Variants in ZC3H6 observed in about 807,000 individuals in gnomAD.
ZC3H6 encodes zinc finger CCCH domain-containing protein 6.
In ZC3H6, 40 loss-of-function variants were observed where a neutral mutation model predicts 107.7. The ratio of observed to expected loss-of-function variants is 0.37; its 90% CI spans 0.29 to 0.48. ZC3H6 has a LOEUF of 0.48. Among genes scored for constraint, ZC3H6 ranks in the 20% least tolerant of loss-of-function variants. The pLI, the probability that ZC3H6 is intolerant of heterozygous loss-of-function variation, is 0.98. For missense variants in ZC3H6, 1,267 were observed against 1,410.4 expected (o/e 0.90, Z 1.63); for synonymous variants, 493 against 487.9 (o/e 1.01, Z -0.14).
At chr2:112,288,390 C>G (rs762509807) in intron 1 of ZC3H6, among the ~76,000 whole-genome samples, 8 of 152,166 alleles carry the variant, frequency 5.3e-5, no homozygotes, top group Admixed American at 1.3e-4. Context: ...AGTTAAGTCA[C>G]GAAGGGAAAG....
chr2:112,308,122 A>G (rs1393368123), intron 3 of ZC3H6, among the ~76,000 whole-genome samples: 1 of 152,142 alleles, frequency 6.6e-6, no homozygotes, highest in African/African-American at 2.4e-5. Context: ...AGTGGCTTTA[A>G]AAAATGTCAG....
chr2:112,319,645 CAA>C (rs1187937504), intron 7 of ZC3H6, among the ~76,000 whole-genome samples: 1 of 133,742 alleles, frequency 7.5e-6, no homozygotes. Flanking sequence ...GACTCTGTCT[CAA>C]AAAAAAAAAG....
chr2:112,320,368 C>T (rs1175534695), intron 7 of ZC3H6, among the ~76,000 whole-genome samples: 1 of 152,108 alleles, frequency 6.6e-6, no homozygotes, highest in Non-Finnish European at 1.5e-5. Flanking sequence ...AGATGATTAA[C>T]TCATTGTCTT....
intron 6 of ZC3H6, 23 bp from the exon 7 acceptor site, chr2:112,317,194 TTTTC>T: frequency 1.6e-6 from 2 of 1,288,338 alleles, no homozygotes; most frequent in Non-Finnish European, 1.0e-6. Context: ...TTTTTTTCTT[TTTTC>T]TTTTTTTTTT....
At chr2:112,290,934 C>G (rs1043195076) in intron 1 of ZC3H6, among the ~76,000 whole-genome samples, 1 of 143,716 alleles carries the variant, frequency 7.0e-6, no homozygotes, top group Non-Finnish European at 1.5e-5. Flanking sequence ...CAAGTACTAT[C>G]CATTATATCA....
At chr2:112,293,853 C>G (rs1290034602) in intron 1 of ZC3H6, among the ~76,000 whole-genome samples, 2 of 152,212 alleles carry the variant, frequency 1.3e-5, no homozygotes, top group African/African-American at 4.8e-5. Context: ...ATAGTGTCAG[C>G]TCCTCATGTC....
intron 7 of ZC3H6, among the ~76,000 whole-genome samples, chr2:112,318,242 T>C (rs1261450993): frequency 6.6e-6 from 1 of 152,144 alleles, no homozygotes; most frequent in Non-Finnish European, 1.5e-5. Context: ...CATGATGAAT[T>C]GGAACAGAAA....
intron 11 of ZC3H6, among the ~76,000 whole-genome samples, chr2:112,329,420 T>C (rs1255234913): frequency 1.3e-5 from 2 of 152,186 alleles, no homozygotes; most frequent in East Asian, 3.8e-4. Context: ...TTTAAAGTAA[T>C]TGCAGCAGGT....
intron 11 of ZC3H6, among the ~76,000 whole-genome samples, chr2:112,328,955 A>G (rs1676967768): frequency 6.8e-6 from 1 of 147,422 alleles, no homozygotes; most frequent in South Asian, 2.2e-4. Flanking sequence ...AAAAAAAAAA[A>G]GTAATCTTTC....
intron 1 of ZC3H6, among the ~76,000 whole-genome samples, chr2:112,296,455 A>G (rs1028045375): frequency 2.6e-5 from 4 of 152,222 alleles, no homozygotes; most frequent in Middle Eastern, 3.4e-3. Flanking sequence ...GTTATTTATA[A>G]TTTTTTACTA....
At chr2:112,282,619 A>G (rs759398639) in intron 1 of ZC3H6, among the ~76,000 whole-genome samples, 2 of 152,120 alleles carry the variant, frequency 1.3e-5, no homozygotes, top group Non-Finnish European at 2.9e-5. Context: ...TCCAGAGCCC[A>G]CTCTCTTATC....
At chr2:112,280,616 A>AT (rs1381844600) in intron 1 of ZC3H6, among the ~76,000 whole-genome samples, 1 of 152,144 alleles carries the variant, frequency 6.6e-6, no homozygotes, top group South Asian at 2.1e-4. Flanking sequence ...CACAAGTACT[A>AT]TAATGGAGGC....
chr2:112,319,083 C>G (rs894563292), intron 7 of ZC3H6, among the ~76,000 whole-genome samples: 6 of 152,062 alleles, frequency 3.9e-5, no homozygotes, highest in Non-Finnish European at 5.9e-5. Flanking sequence ...ATGTCCTGAT[C>G]TGAAGAAAGG....
chr2:112,290,737 C>T (rs1676097474), intron 1 of ZC3H6, among the ~76,000 whole-genome samples: 1 of 151,544 alleles, frequency 6.6e-6, no homozygotes, highest in Admixed American at 6.6e-5. Flanking sequence ...TTTTGGATTT[C>T]ATCTCTGGAT....
chr2:112,322,559 A>G (rs1676824026), intron 8 of ZC3H6, 90 bp from the exon 9 acceptor site: 2 of 1,380,826 alleles, frequency 1.4e-6, no homozygotes, highest in Admixed American at 2.8e-5. Flanking sequence ...CTTTAATATT[A>G]TTTTTCTACT....
At position 112,338,744 on chromosome 2, in the gene ZC3H6, A is replaced by G. The variant is rs1015573007; in HGVS notation, c.*6256A>G. On this transcript the variant is annotated 3_prime_UTR_variant, in exon 12 of 12. Transcript: ENST00000409871. ...CTGATATGTAATTTATTGTAAAGAA[A>G]TTAAATATATAGAGGCTCAATTAAA... is the stretch of plus-strand genomic sequence containing the variant. 3 of 151,372 alleles carry G rather than the reference A, an allele frequency of 2.0e-5. No individual in the cohort carries two copies. Among genetic ancestry groups the G allele is most frequent in the Admixed American group, 2.0e-4 (3 of 15,160 alleles). The allele number at this position is 151,372 out of a possible 1,614,324, so 9.4% of individuals were successfully genotyped here.
intron 1 of ZC3H6, among the ~76,000 whole-genome samples, chr2:112,288,335 T>C (rs1227463777): frequency 2.0e-5 from 3 of 152,228 alleles, no homozygotes; most frequent in Non-Finnish European, 4.4e-5. Context: ...TCTGTGGAAG[T>C]ACTTGTAGTC....
In ZC3H6 at chr2:112,331,698, C is replaced by T; in HGVS notation, c.2780C>T (p.Ser927Phe). ...AGTGATCTTCATCAAAATACAGTGT[C>T]CATTGATCCAAAATTAGCAGCCAAA... is the stretch of plus-strand genomic sequence containing the variant. ...TKSDLHQNTV[S>F]IDPKLAAKAK... The change falls in exon 12 of 12, where the codon TCC becomes TTC. Residue 927 changes from serine to phenylalanine, a missense_variant. Transcript: ENST00000409871. 1.2e-6 allele frequency: 2 copies of T among 1,613,890 alleles called. No homozygotes were observed. The highest frequency in any genetic ancestry group is 8.5e-7 in the Non-Finnish European group (1 of 1,179,884).
At chr2:112,328,667 G>A (rs1039310832) in intron 11 of ZC3H6, among the ~76,000 whole-genome samples, 4 of 152,140 alleles carry the variant, frequency 2.6e-5, no homozygotes, top group South Asian at 2.1e-4. Context: ...TCAGCCGGGC[G>A]CAGTGGCTCA....
Sources: allele counts gnomAD v4.1 joint callset (sites outside exome capture counted in the v4.1 genomes callset), GRCh38; gene constraint gnomAD v4.1.1; transcripts MANE v1.5; gene names NCBI Gene and HGNC (gene_info 2026-07-23, HGNC 2026-07-21).